The following YME1L1 variants were observed in gnomAD, a reference collection of about 807,000 sequenced individuals.
YME1L1 encodes ATP-dependent zinc metalloprotease YME1L1.
In YME1L1, 39 loss-of-function variants were observed where a neutral mutation model predicts 90.4. The observed-to-expected ratio is 0.43, with a 90% CI of 0.33 to 0.56. The LOEUF is 0.56. Ranked by LOEUF, YME1L1 falls within the 20% of genes least tolerant of loss-of-function variation. The pLI is 0.03. For synonymous variants in YME1L1, 284 were observed against 287.3 expected (o/e 0.99, Z 0.12); for missense variants, 617 against 868.4 (o/e 0.71, Z 3.64).
chr10:27,151,202 G>A (rs969800556), intron 1 of YME1L1, among the ~76,000 whole-genome samples: 7 of 152,088 alleles, frequency 4.6e-5, no homozygotes, highest in Admixed American at 6.5e-5. Context: ...GATTACATGC[G>A]TGAGTCCCCG....
chr10:27,151,909 A>C (rs2057224025), intron 1 of YME1L1, among the ~76,000 whole-genome samples: 1 of 152,040 alleles, frequency 6.6e-6, no homozygotes, highest in East Asian at 1.9e-4. Flanking sequence ...AAATAAAAAA[A>C]AGTATGCATA....
chr10:27,148,162 T>TTC (rs1401169077), intron 2 of YME1L1, among the ~76,000 whole-genome samples: 4 of 151,926 alleles, frequency 2.6e-5, no homozygotes, highest in Non-Finnish European at 5.9e-5. Flanking sequence ...ACAGGTGTTT[T>TTC]TTTTTAGATT....
chr10:27,122,697 C>A (rs2056879145), intron 11 of YME1L1, 144 bp downstream of exon 11: 2 of 1,082,700 alleles, frequency 1.8e-6, no homozygotes, highest in African/African-American at 3.2e-5. Flanking sequence ...GCATGAGGGA[C>A]TACTCTGTTT....
At chr10:27,147,857 T>C (rs1477422761) in intron 2 of YME1L1, among the ~76,000 whole-genome samples, 10 of 152,178 alleles carry the variant, frequency 6.6e-5, no homozygotes. Flanking sequence ...TGTAACAGCT[T>C]CTCTAGTAGG....
At chr10:27,119,810 C>CA (rs202010048) in intron 13 of YME1L1, among the ~76,000 whole-genome samples, 21 of 96,682 alleles carry the variant, frequency 2.2e-4, no homozygotes, top group South Asian at 6.9e-4. Context: ...ACTCTTGTCT[C>CA]AAAAAAAAAC....
chr10:27,135,888 T>C (rs1270905360), intron 5 of YME1L1, among the ~76,000 whole-genome samples: 1 of 152,242 alleles, frequency 6.6e-6, no homozygotes, highest in African/African-American at 2.4e-5. Flanking sequence ...CAAATAGTTA[T>C]AGCCTATCTA....
At chr10:27,119,023 T>C (rs1588584918) in intron 14 of YME1L1, among the ~76,000 whole-genome samples, 1 of 152,208 alleles carries the variant, frequency 6.6e-6, no homozygotes, top group East Asian at 1.9e-4. Context: ...ACAAAACTAA[T>C]AAATGTGGTA....
intron 8 of YME1L1, 80 bp downstream of exon 8, chr10:27,131,779 C>A: frequency 1.9e-6 from 2 of 1,064,424 alleles, no homozygotes; most frequent in Non-Finnish European, 2.8e-6. Flanking sequence ...CTAGAATACA[C>A]TGTAGAATCA....
At chr10:27,148,199 A>ATATTTATT (rs60147959) in intron 2 of YME1L1, among the ~76,000 whole-genome samples, 19 of 150,662 alleles carry the variant, frequency 1.3e-4, no homozygotes, top group Admixed American at 4.0e-4. Flanking sequence ...TTACATTTTT[A>ATATTTATT]TATTTATTTA....
intron 1 of YME1L1, among the ~76,000 whole-genome samples, chr10:27,152,548 G>A (rs2057232229): frequency 6.6e-6 from 1 of 152,062 alleles, no homozygotes; most frequent in Admixed American, 6.6e-5. Flanking sequence ...CTAAAATCAG[G>A]CCTCTTGATG....
At chr10:27,119,110 G>GT (rs1195003397) in intron 14 of YME1L1, among the ~76,000 whole-genome samples, 184 bp downstream of exon 14, 5 of 152,186 alleles carry the variant, frequency 3.3e-5, no homozygotes, top group African/African-American at 1.2e-4. Context: ...TTTGTTTGAT[G>GT]TTAAGTTGGG....
At chr10:27,127,522 C>T (rs764257850) in intron 8 of YME1L1, among the ~76,000 whole-genome samples, 6 of 152,076 alleles carry the variant, frequency 3.9e-5, no homozygotes, top group Non-Finnish European at 8.8e-5. Flanking sequence ...TTGTAGTATT[C>T]TTATAATGGG....
At chr10:27,128,130 T>A (rs11015555) in intron 8 of YME1L1, among the ~76,000 whole-genome samples, 36,645 of 152,020 alleles carry the variant, frequency 0.24, 4,979 homozygotes, top group East Asian at 0.56. Context: ...AGTTATTAAA[T>A]GCCCTTATTA....
chr10:27,119,280 G>C lies in YME1L1; in HGVS notation c.1567+14C>G. ...TGAAAAGTAAAAGACAGAAAAAAAAGAAAGGAAACCTACCCATTAGAATTT... is the reference window on the plus strand; with the variant it reads ...TGAAAAGTAAAAGACAGAAAAAAAACAAAGGAAACCTACCCATTAGAATTT... On this transcript the variant is annotated intron_variant, in intron 14 of 18. Coordinates refer to ENST00000376016, the MANE Select transcript of YME1L1 (RefSeq NM_014263.4). The C allele has an allele frequency of 6.3e-7, 1 of 1,578,256 alleles. No homozygotes were observed. Among genetic ancestry groups the C allele is most frequent in the Non-Finnish European group, 8.6e-7 (1 of 1,169,236 alleles).
chr10:27,135,051 C>T, intron 5 of YME1L1, 70 bp from the exon 6 acceptor site: 1 of 1,449,144 alleles, frequency 6.9e-7, no homozygotes, highest in African/African-American at 1.4e-5. Context: ...ATTGTGACCA[C>T]TCAAAAAAAT....
At chr10:27,116,473 C>G (rs752738513) in intron 15 of YME1L1, 128 bp from the exon 16 acceptor site, 12 of 939,184 alleles carry the variant, frequency 1.3e-5, no homozygotes, top group Non-Finnish European at 1.7e-5. Context: ...TCGAGACCAG[C>G]CTGACCAACA....
chr10:27,115,953 G>A lies in YME1L1; in HGVS notation c.1920+107C>T. On this transcript the variant is annotated intron_variant, in intron 17 of 18. Coordinates refer to ENST00000376016, the MANE Select transcript of YME1L1 (RefSeq NM_014263.4). The stretch of plus-strand genomic sequence containing the variant: ...AGAATAAAGAGCCTCAAATCCATTT[G>A]GAGTGAGAGAAAAAGTGAATATTAC... 3.1e-6 allele frequency: 3 copies of A among 976,876 alleles called. No individual in the cohort carries two copies. In the South Asian group the frequency reaches 4.6e-5, roughly 15 times the overall value. 60.5% of individuals were successfully genotyped at this position (976,876 alleles called of 1,614,324 possible).
intron 2 of YME1L1, chr10:27,147,792 C>G (rs2057162053): frequency 1.5e-6 from 2 of 1,366,266 alleles, no homozygotes; most frequent in Non-Finnish European, 2.0e-6. Flanking sequence ...CAAACCCTGG[C>G]TCCTGGCGTG....
At chr10:27,113,993 A>C (rs2056787057) in intron 18 of YME1L1, among the ~76,000 whole-genome samples, 1 of 151,846 alleles carries the variant, frequency 6.6e-6, no homozygotes, top group Non-Finnish European at 1.5e-5. Flanking sequence ...CATGTCAAAG[A>C]CTCAATAAAC....
Sources: gnomAD v4.1 joint callset for allele counts (sites outside exome capture counted in the v4.1 genomes callset) on GRCh38, gnomAD v4.1.1 for gene constraint, MANE v1.5 for transcripts, NCBI Gene and HGNC (gene_info 2026-07-23, HGNC 2026-07-21) for gene names.